The following PTPN12 variants were observed in gnomAD, a reference collection of about 807,000 sequenced individuals.
PTPN12 encodes the protein protein tyrosine phosphatase non-receptor type 12.
A neutral mutation model predicts 97.6 loss-of-function variants in PTPN12; 29 were observed. The observed-to-expected ratio is 0.30, with a 90% CI of 0.22 to 0.41. The LOEUF (loss-of-function observed/expected upper bound fraction) is 0.41. Among genes scored for constraint, PTPN12 ranks in the 10% least tolerant of loss-of-function variants. The pLI is 1.00. For missense variants in PTPN12, 819 were observed against 926.0 expected, an observed-to-expected ratio of 0.88 and a Z score of 1.50; for synonymous variants, 327 against 300.4, an observed-to-expected ratio of 1.09 and a Z score of -0.91.
Position 77,548,278 on chromosome 7 carries a change from T to G in PTPN12, c.99+10633T>G, listed in dbSNP as rs558346792. ...TATAATGGTGGGTCTCTTGCTTAGT[T>G]TGGATTCCTCAGCGAATTGAGTTTT... is the stretch of plus-strand genomic sequence containing the variant. On this transcript the variant is annotated intron_variant, in intron 1 of 17. Transcript: ENST00000248594. 9.2e-5 allele frequency among the ~76,000 whole-genome samples: 14 copies of G among 152,334 alleles called. No individual in the cohort carries two copies. In the East Asian group the frequency reaches 2.7e-3, roughly 29 times the overall value.
At chr7:77,614,190 T>G (rs1273997957) in intron 11 of PTPN12, among the ~76,000 whole-genome samples, 1 of 152,206 alleles carries the variant, frequency 6.6e-6, no homozygotes, top group Non-Finnish European at 1.5e-5. Flanking sequence ...CAGCTATTGT[T>G]GTATTTTTTA....
intron 12 of PTPN12, among the ~76,000 whole-genome samples, 169 bp downstream of exon 12, chr7:77,618,734 T>G (rs1364214112): frequency 6.6e-6 from 1 of 152,190 alleles, no homozygotes; most frequent in African/African-American, 2.4e-5. Flanking sequence ...TTATTAAAAA[T>G]TTGGTTTCAT....
chr7:77,555,742 A>G (rs1807679891), intron 1 of PTPN12, among the ~76,000 whole-genome samples: 2 of 151,972 alleles, frequency 1.3e-5, no homozygotes, highest in African/African-American at 4.8e-5. Flanking sequence ...GTGAAACCCC[A>G]TCTCTACTAA....
At chr7:77,540,985 A>G (rs1255825995) in intron 1 of PTPN12, among the ~76,000 whole-genome samples, 4 of 152,180 alleles carry the variant, frequency 2.6e-5, no homozygotes, top group Admixed American at 2.0e-4. Context: ...TGAACACTCC[A>G]CTTGCCTGAC....
chr7:77,546,330 A>G (rs1241108630), intron 1 of PTPN12, among the ~76,000 whole-genome samples: 1 of 152,240 alleles, frequency 6.6e-6, no homozygotes, highest in East Asian at 1.9e-4. Flanking sequence ...TTGATCTTTA[A>G]TATCACAAGA....
chr7:77,539,824 G>C (rs536362868), intron 1 of PTPN12, among the ~76,000 whole-genome samples: 8 of 152,130 alleles, frequency 5.3e-5, no homozygotes, highest in African/African-American at 1.9e-4. Flanking sequence ...GGGACTACAG[G>C]CGCAAGCTAC....
chr7:77,568,628 G>C (rs1484289361), intron 1 of PTPN12, among the ~76,000 whole-genome samples: 3 of 152,214 alleles, frequency 2.0e-5, no homozygotes, highest in African/African-American at 7.2e-5. Flanking sequence ...AGACAACAGA[G>C]TGAGACTCCG....
At chr7:77,581,902 C>T (rs1430614712) in intron 3 of PTPN12, among the ~76,000 whole-genome samples, 1 of 151,928 alleles carries the variant, frequency 6.6e-6, no homozygotes. Context: ...TGAATAATTT[C>T]TTAGGATAAA....
At chr7:77,564,758 T>TG (rs1562715166) in intron 1 of PTPN12, among the ~76,000 whole-genome samples, 2 of 97,802 alleles carry the variant, frequency 2.0e-5, no homozygotes, top group African/African-American at 7.8e-5. Context: ...TTTTTTTTTT[T>TG]TTTTTTTTTT....
chr7:77,554,105 A>G (rs969753112), intron 1 of PTPN12, among the ~76,000 whole-genome samples: 1 of 152,146 alleles, frequency 6.6e-6, no homozygotes, highest in Non-Finnish European at 1.5e-5. Context: ...AGCTAGGACT[A>G]CAAGTGTGTG....
At chr7:77,538,237 T>A in intron 1 of PTPN12, 1 of 372,178 alleles carries the variant, frequency 2.7e-6, no homozygotes, top group Non-Finnish European at 3.7e-6. Flanking sequence ...AGGAATCTCA[T>A]GGGTTTACCT....
At chr7:77,626,596 C>A in intron 12 of PTPN12, 109 bp from the exon 13 acceptor site, 3 of 1,224,730 alleles carry the variant, frequency 2.4e-6, no homozygotes, top group Non-Finnish European at 3.3e-6. Flanking sequence ...AGTTTTTATT[C>A]GCAACCAGAT....
chr7:77,625,518 T>TCTCTCTCTCTCTCTCTCA (rs1789131150), intron 12 of PTPN12, among the ~76,000 whole-genome samples: 2 of 82,010 alleles, frequency 2.4e-5, no homozygotes, highest in Non-Finnish European at 4.8e-5. Flanking sequence ...TCTCTCTCTC[T>TCTCTCTCTCTCTCTCTCA]CTCTCACTCT....
chr7:77,567,771 T>C (rs1808321421), intron 1 of PTPN12, among the ~76,000 whole-genome samples: 1 of 152,210 alleles, frequency 6.6e-6, no homozygotes, highest in Non-Finnish European at 1.5e-5. Flanking sequence ...AAATCTGAAG[T>C]AACAACATTT....
intron 1 of PTPN12, among the ~76,000 whole-genome samples, chr7:77,561,309 T>A (rs1807985067): frequency 6.6e-6 from 1 of 152,216 alleles, no homozygotes; most frequent in Non-Finnish European, 1.5e-5. Flanking sequence ...GTCTGTTGAA[T>A]CATCTATATG....
chr7:77,631,682 G>C (rs1195098753), intron 13 of PTPN12, among the ~76,000 whole-genome samples: 3 of 152,140 alleles, frequency 2.0e-5, no homozygotes, highest in Non-Finnish European at 4.4e-5. Context: ...TGAAAAACCT[G>C]TATATAGCTT....
chr7:77,548,497 G>A (rs532646432), intron 1 of PTPN12, among the ~76,000 whole-genome samples: 1 of 152,284 alleles, frequency 6.6e-6, no homozygotes, highest in South Asian at 2.1e-4. Flanking sequence ...CATAAAAACT[G>A]TTTAGAAATT....
Position 77,639,242 on chromosome 7 carries a change from C to G in PTPN12, c.2305C>G (p.Pro769Ala). ...DIGFGNRCGKPKGPRDPPSEW... is the reference protein window; with the variant it reads ...DIGFGNRCGKAKGPRDPPSEW... Reference sequence around the variant, plus strand: ...AGGTTTTGGTAATCGATGTGGAAAACCCAAAGGACCAAGAGATCCACCTTC... The same window carrying G: ...AGGTTTTGGTAATCGATGTGGAAAAGCCAAAGGACCAAGAGATCCACCTTC... The change falls in exon 18 of 18, where the codon CCC becomes GCC. Residue 769 changes from proline (P) to alanine (A), a missense_variant. This residue lies in a region of PTPN12 where 607 missense variants were observed against 577.3 expected (regional missense o/e 1.05). Coordinates refer to ENST00000248594, the MANE Select transcript of PTPN12 (RefSeq NM_002835.4). 1 of 1,612,606 alleles carries G rather than the reference C, an allele frequency of 6.2e-7. No individual in the cohort carries two copies. Among genetic ancestry groups the G allele is most frequent in the Non-Finnish European group, 8.5e-7 (1 of 1,179,266 alleles).
At chr7:77,564,667 A>G (rs1325362300) in intron 1 of PTPN12, among the ~76,000 whole-genome samples, 1 of 145,600 alleles carries the variant, frequency 6.9e-6, no homozygotes, top group East Asian at 2.1e-4. Context: ...TAATATTTGT[A>G]TATTCTTATA....
Sources: allele counts gnomAD v4.1 joint callset (sites outside exome capture counted in the v4.1 genomes callset), GRCh38; gene constraint gnomAD v4.1.1; regional missense constraint gnomAD v4.1.1; transcripts MANE v1.5; gene names NCBI Gene and HGNC (gene_info 2026-07-23, HGNC 2026-07-21).